DACH2: variants seen among roughly 807,000 people sequenced by gnomAD.
DACH2 encodes dachshund homolog 2.
A neutral mutation model predicts 35.8 loss-of-function variants in DACH2; 17 were observed. The observed-to-expected ratio is 0.48, with a 90% CI of 0.33 to 0.71. The LOEUF is 0.71. DACH2 is among the 30% of genes least tolerant of loss of function. The pLI is 0.02. For missense variants in DACH2, 469 were observed against 472.7 expected (o/e 0.99, Z 0.07); for synonymous variants, 195 against 177.3 (o/e 1.10, Z -0.79).
intron 1 of DACH2, among the ~76,000 whole-genome samples, chrX:86,213,445 A>G (rs2032494008): frequency 9.0e-6 from 1 of 111,132 alleles, no homozygotes; most frequent in Non-Finnish European, 1.9e-5. Context: ...AGGGTGGATT[A>G]TTTTTCATCA....
chrX:86,269,279 A>T (rs2033771459), intron 1 of DACH2, among the ~76,000 whole-genome samples: 1 of 111,951 alleles, frequency 8.9e-6, no homozygotes, highest in African/African-American at 3.2e-5. Flanking sequence ...TTCATTTAGC[A>T]TAGTGACCTC....
At chrX:86,523,710 C>T (rs759146703) in intron 3 of DACH2, among the ~76,000 whole-genome samples, 3 of 109,301 alleles carry the variant, frequency 2.7e-5, no homozygotes, top group Admixed American at 9.9e-5. Context: ...TTGATGGGAT[C>T]GCAGGATAAG....
intron 3 of DACH2, among the ~76,000 whole-genome samples, chrX:86,576,617 A>G (rs1462168712): frequency 1.8e-5 from 2 of 111,023 alleles, no homozygotes; most frequent in Non-Finnish European, 3.8e-5. Flanking sequence ...TAAACCAAAT[A>G]CTAGATACCA....
At chrX:86,181,106 A>G (rs983538994) in intron 1 of DACH2, among the ~76,000 whole-genome samples, 1 of 110,541 alleles carries the variant, frequency 9.0e-6, no homozygotes, top group South Asian at 3.9e-4. Flanking sequence ...GATTAAAAAA[A>G]CCCCTAAAGA....
At chrX:86,330,010 A>T (rs2148047699) in intron 1 of DACH2, among the ~76,000 whole-genome samples, 1 of 111,939 alleles carries the variant, frequency 8.9e-6, no homozygotes, top group East Asian at 2.8e-4. Context: ...TAACTAGAAT[A>T]GTGGTCACTG....
intron 2 of DACH2, among the ~76,000 whole-genome samples, chrX:86,410,140 G>A (rs1408763479): frequency 1.8e-5 from 2 of 112,110 alleles, no homozygotes; most frequent in African/African-American, 3.2e-5. Context: ...ACCGTTAATA[G>A]CAAAAGACAG....
At chrX:86,293,393 C>A (rs1337444165) in intron 1 of DACH2, among the ~76,000 whole-genome samples, 1 of 108,274 alleles carries the variant, frequency 9.2e-6, no homozygotes, top group Non-Finnish European at 1.9e-5. Flanking sequence ...CCAGTCAATG[C>A]CTTTTAATTG....
At chrX:86,347,297 G>A (rs947646291) in intron 1 of DACH2, among the ~76,000 whole-genome samples, 7 of 112,584 alleles carry the variant, frequency 6.2e-5, no homozygotes, top group African/African-American at 1.6e-4. Context: ...TTCCCAAGCC[G>A]TAAATTAAGC....
intron 2 of DACH2, among the ~76,000 whole-genome samples, chrX:86,478,378 A>G (rs1459902248): frequency 9.0e-6 from 1 of 110,573 alleles, no homozygotes; most frequent in Non-Finnish European, 1.9e-5. Context: ...CAGACATACT[A>G]TTCTAGGGTA....
intron 1 of DACH2, among the ~76,000 whole-genome samples, chrX:86,242,273 T>C (rs1358904721): frequency 1.8e-5 from 2 of 112,520 alleles, no homozygotes; most frequent in East Asian, 5.7e-4. Flanking sequence ...CCCAAGGCCT[T>C]ACGAGCCCAC....
intron 3 of DACH2, among the ~76,000 whole-genome samples, chrX:86,555,656 A>ATGTCTT (rs1208593024): frequency 1.8e-5 from 2 of 111,866 alleles, no homozygotes; most frequent in South Asian, 7.3e-4. Flanking sequence ...TCGGCACGTT[A>ATGTCTT]TGTCTTCAAA....
intron 1 of DACH2, among the ~76,000 whole-genome samples, chrX:86,320,398 A>G (rs944069745): frequency 8.9e-6 from 1 of 112,025 alleles, no homozygotes; most frequent in East Asian, 2.8e-4. Flanking sequence ...CCCAATTTGC[A>G]CCACTACCTG....
chrX:86,441,065 T>C (rs7056672), intron 2 of DACH2, among the ~76,000 whole-genome samples: 10,303 of 110,916 alleles, frequency 0.093, 1,232 homozygotes, highest in African/African-American at 0.32. Flanking sequence ...TAATTTTTAA[T>C]GTTTATGAGT....
chrX:86,662,741 C>A (rs897473128), intron 4 of DACH2, among the ~76,000 whole-genome samples: 2 of 111,802 alleles, frequency 1.8e-5, no homozygotes, highest in African/African-American at 6.5e-5. Flanking sequence ...TAGGTTTTGG[C>A]AAGTCCTTAA....
At chrX:86,310,434 G>A (rs6623646) in intron 1 of DACH2, among the ~76,000 whole-genome samples, 1 of 111,399 alleles carries the variant, frequency 9.0e-6, no homozygotes, top group East Asian at 2.8e-4. Context: ...GTTGACCGAG[G>A]AAGAGAAGAG....
chrX:86,258,421 G>C (rs1300676057), intron 1 of DACH2, among the ~76,000 whole-genome samples: 2 of 111,311 alleles, frequency 1.8e-5, no homozygotes, highest in African/African-American at 3.3e-5. Flanking sequence ...CAGTGAGGCA[G>C]ATTAAATTAG....
intron 1 of DACH2, among the ~76,000 whole-genome samples, chrX:86,270,019 T>C (rs956365574): frequency 1.0e-5 from 1 of 100,244 alleles, no homozygotes; most frequent in Admixed American, 1.1e-4. Flanking sequence ...TATATATATA[T>C]ATATTATATA....
At chrX:86,424,128 GT>G (rs923078185) in intron 2 of DACH2, among the ~76,000 whole-genome samples, 102 of 108,425 alleles carry the variant, frequency 9.4e-4, no homozygotes, top group African/African-American at 3.3e-3. Flanking sequence ...GATTCCTCCA[GT>G]TTTTTTTTCT....
intron 7 of DACH2, among the ~76,000 whole-genome samples, chrX:86,746,937 G>A (rs1007750771): frequency 9.0e-6 from 1 of 111,137 alleles, no homozygotes; most frequent in Middle Eastern, 4.7e-3. Context: ...AATCATCCTA[G>A]CACTGTTTGT....
Sources: gnomAD v4.1 joint callset for allele counts (sites outside exome capture counted in the v4.1 genomes callset) on GRCh38, gnomAD v4.1.1 for gene constraint, MANE v1.5 for transcripts, NCBI Gene and HGNC (gene_info 2026-07-23, HGNC 2026-07-21) for gene names.